OSBPL6: variants seen among roughly 807,000 people sequenced by gnomAD.
OSBPL6 encodes oxysterol-binding protein-related protein 6.
A neutral mutation model predicts 125.8 loss-of-function variants in OSBPL6; 49 were observed. The ratio of observed to expected loss-of-function variants is 0.39; its 90% confidence interval spans 0.31 to 0.49. The LOEUF is 0.49. Among genes scored for constraint, OSBPL6 ranks in the 20% least tolerant of loss-of-function variants. OSBPL6 has a pLI of 0.88. For synonymous variants in OSBPL6, 394 were observed against 391.8 expected, an observed-to-expected ratio of 1.01 and a Z score of -0.07; for missense variants, 986 against 1,135.4, an observed-to-expected ratio of 0.87 and a Z score of 1.89.
At chr2:178,299,707 T>C (rs550700757) in intron 2 of OSBPL6, among the ~76,000 whole-genome samples, 87 of 152,358 alleles carry the variant, frequency 5.7e-4, no homozygotes, top group Non-Finnish European at 1.0e-3. Context: ...ATGAGAGTAA[T>C]AAGTGTTTTA....
Position 178,385,635 on chromosome 2 carries a change from G to A in OSBPL6, c.2077+114G>A. On this transcript the variant is annotated intron_variant, in intron 19 of 24. Transcript: ENST00000190611. ...TTTCTACCTTTGGAACTCAGCAAAT[G>A]TTAGTAATTGGTGCAGAGCTCATTT... 3 of 780,668 alleles carry A rather than the reference G, an allele frequency of 3.8e-6. No homozygotes were observed. The South Asian group carries it at 5.0e-5, about 13-fold the overall frequency. The allele number at this position is 780,668 out of a possible 1,614,324, so 48.4% of individuals were successfully genotyped here.
intron 1 of OSBPL6, among the ~76,000 whole-genome samples, chr2:178,249,002 T>C (rs948842813): frequency 6.6e-6 from 1 of 152,174 alleles, no homozygotes; most frequent in Non-Finnish European, 1.5e-5. Context: ...AGTGGTGCCA[T>C]CTCGGCTCAC....
chr2:178,235,685 C>T (rs556793833), intron 1 of OSBPL6, among the ~76,000 whole-genome samples: 3 of 152,200 alleles, frequency 2.0e-5, no homozygotes, highest in South Asian at 2.1e-4. Flanking sequence ...GGATTATAGG[C>T]GTGAGCCACT....
chr2:178,308,373 A>G (rs1427717191), intron 3 of OSBPL6, among the ~76,000 whole-genome samples: 1 of 152,180 alleles, frequency 6.6e-6, no homozygotes, highest in Non-Finnish European at 1.5e-5. Flanking sequence ...TTTCATAGTG[A>G]AGGGACATAG....
intron 15 of OSBPL6, among the ~76,000 whole-genome samples, chr2:178,379,311 C>CGG (rs1553574956): frequency 1.6e-4 from 16 of 100,134 alleles, no homozygotes; most frequent in Non-Finnish European, 3.0e-4. Flanking sequence ...AAGAAAGAAA[C>CGG]AGGAAGGAAG....
intron 15 of OSBPL6, among the ~76,000 whole-genome samples, chr2:178,380,009 A>G (rs1329524971): frequency 1.3e-5 from 2 of 152,266 alleles, no homozygotes; most frequent in Non-Finnish European, 2.9e-5. Flanking sequence ...GTTTTTATGT[A>G]CAAATTCAAA....
intron 15 of OSBPL6, among the ~76,000 whole-genome samples, chr2:178,381,102 T>C (rs1694435429): frequency 6.6e-6 from 1 of 152,198 alleles, no homozygotes; most frequent in Non-Finnish European, 1.5e-5. Context: ...ATTGTTTCCA[T>C]TTTGAAGGAA....
At chr2:178,232,707 C>T (rs2090886331) in intron 1 of OSBPL6, among the ~76,000 whole-genome samples, 1 of 151,832 alleles carries the variant, frequency 6.6e-6, no homozygotes, top group Non-Finnish European at 1.5e-5. Flanking sequence ...CTTGAAATCA[C>T]ATGCTGTTTT....
intron 3 of OSBPL6, among the ~76,000 whole-genome samples, chr2:178,310,180 A>G (rs769058143): frequency 1.3e-5 from 2 of 152,144 alleles, no homozygotes; most frequent in Non-Finnish European, 2.9e-5. Context: ...TGGGCTCAAT[A>G]ATGCCTTCCA....
At chr2:178,346,547 C>T (rs1209473997) in intron 11 of OSBPL6, among the ~76,000 whole-genome samples, 2 of 152,342 alleles carry the variant, frequency 1.3e-5, no homozygotes, top group Non-Finnish European at 2.9e-5. Context: ...AGGCTTCCCT[C>T]CTTTCACAGG....
intron 1 of OSBPL6, among the ~76,000 whole-genome samples, chr2:178,213,261 C>T: frequency 6.6e-6 from 1 of 152,044 alleles, no homozygotes; most frequent in Non-Finnish European, 1.5e-5. Flanking sequence ...TCTCTGCTAG[C>T]AAATTCCAAA....
intron 11 of OSBPL6, among the ~76,000 whole-genome samples, chr2:178,342,325 G>A (rs1459953030): frequency 1.3e-5 from 2 of 152,156 alleles, no homozygotes; most frequent in South Asian, 2.1e-4. Flanking sequence ...TTGTGTTACT[G>A]AACTTTGTAT....
At chr2:178,208,981 T>G (rs2153951422) in intron 1 of OSBPL6, among the ~76,000 whole-genome samples, 1 of 152,280 alleles carries the variant, frequency 6.6e-6, no homozygotes. Flanking sequence ...AAGGCTTTAG[T>G]CCACTGCCCC....
rs147147863 is a variant in OSBPL6 at position 178,380,252 on chromosome 2, T to C, written c.1534-2168T>C. Among the ~76,000 whole-genome samples, 1,093 of 151,914 alleles carry C rather than the reference T, an allele frequency of 7.2e-3. 11 individuals carry two copies. Among genetic ancestry groups the C allele is most frequent in the African/African-American group, 0.025 (1,029 of 41,454 alleles). On this transcript the variant is annotated intron_variant, in intron 15 of 24. Coordinates refer to ENST00000190611, the MANE Select transcript of OSBPL6 (RefSeq NM_032523.4). ...TTGCTTGAAGCTAGGAGTTCAAGCC[T>C]GGGTAACGTAGCAAGACCCTTCATC... is the stretch of plus-strand genomic sequence containing the variant.
At chr2:178,343,457 AT>A (rs1690406822) in intron 11 of OSBPL6, among the ~76,000 whole-genome samples, 1 of 152,176 alleles carries the variant, frequency 6.6e-6, no homozygotes, top group African/African-American at 2.4e-5. Context: ...GCAAAGTTGA[AT>A]GGTTAGAAGG....
intron 1 of OSBPL6, among the ~76,000 whole-genome samples, chr2:178,218,407 TTA>T (rs2090179380): frequency 1.1e-5 from 1 of 88,272 alleles, no homozygotes. Context: ...AAAAAAAAAA[TTA>T]AAAAAAAAAA....
intron 1 of OSBPL6, among the ~76,000 whole-genome samples, chr2:178,265,833 G>A (rs571901409): frequency 6.6e-6 from 1 of 152,100 alleles, no homozygotes; most frequent in African/African-American, 2.4e-5. Flanking sequence ...TTGTTCTACA[G>A]ATATTTATTG....
At chr2:178,316,704 T>C (rs922976807) in intron 3 of OSBPL6, among the ~76,000 whole-genome samples, 23 of 152,156 alleles carry the variant, frequency 1.5e-4, no homozygotes, top group African/African-American at 5.3e-4. Context: ...ACTACTTACA[T>C]CGCATTTACA....
At chr2:178,383,844 C>A (rs1023383483) in intron 17 of OSBPL6, among the ~76,000 whole-genome samples, 195 bp from the exon 18 acceptor site, 1 of 152,150 alleles carries the variant, frequency 6.6e-6, no homozygotes, top group African/African-American at 2.4e-5. Flanking sequence ...GGTTTCTGTG[C>A]GAGTGGTTTT....
Sources: gnomAD v4.1 joint callset for allele counts (sites outside exome capture counted in the v4.1 genomes callset) on GRCh38, gnomAD v4.1.1 for gene constraint, MANE v1.5 for transcripts, NCBI Gene and HGNC (gene_info 2026-07-23, HGNC 2026-07-21) for gene names.